Variants in FILIP1 observed in about 807,000 individuals in gnomAD.
The protein encoded by FILIP1 is filamin A interacting protein 1.
A neutral mutation model predicts 102.1 loss-of-function variants in FILIP1; 61 were observed. That is an observed-to-expected ratio of 0.60 (90% CI 0.49 to 0.74). The LOEUF (loss-of-function observed/expected upper bound fraction) is 0.74, where lower values mean the gene tolerates loss of function less well. FILIP1 is among the 30% of genes least tolerant of loss of function. The pLI is 0.00. For missense variants in FILIP1, 1,314 were observed against 1,441.2 expected, an observed-to-expected ratio of 0.91 and a Z score of 1.43; for synonymous variants, 491 against 526.9, an observed-to-expected ratio of 0.93 and a Z score of 0.93.
At chr6:75,464,889 C>T (rs1275489204) in intron 1 of FILIP1, among the ~76,000 whole-genome samples, 1 of 152,194 alleles carries the variant, frequency 6.6e-6, no homozygotes, top group African/African-American at 2.4e-5. Flanking sequence ...CTCACATCCA[C>T]ATCCAACCCA....
At chr6:75,364,748 T>G (rs1775273855) in intron 2 of FILIP1, among the ~76,000 whole-genome samples, 1 of 152,192 alleles carries the variant, frequency 6.6e-6, no homozygotes, top group African/African-American at 2.4e-5. Context: ...TGTGCCACAC[T>G]AATAGATTAT....
chr6:75,320,013 G>A (rs1773594150), intron 4 of FILIP1: 1 of 293,498 alleles, frequency 3.4e-6, no homozygotes, highest in Non-Finnish European at 6.5e-6. Flanking sequence ...AGGCAGAGTC[G>A]CCCAGTGCCG....
chr6:75,298,989 T>G (rs1381532919), intron 6 of FILIP1, among the ~76,000 whole-genome samples: 3 of 151,064 alleles, frequency 2.0e-5, no homozygotes, highest in African/African-American at 7.3e-5. Context: ...CTGAGGCACA[T>G]GGAGTCCATG....
intron 1 of FILIP1, among the ~76,000 whole-genome samples, chr6:75,474,355 T>C (rs1021841747): frequency 6.6e-6 from 1 of 152,200 alleles, no homozygotes; most frequent in Non-Finnish European, 1.5e-5. Flanking sequence ...AACTTTTCAC[T>C]GTAACAATAA....
At chr6:75,474,476 A>G (rs1779417185) in intron 1 of FILIP1, among the ~76,000 whole-genome samples, 2 of 152,212 alleles carry the variant, frequency 1.3e-5, no homozygotes, top group South Asian at 4.1e-4. Flanking sequence ...AAGTAGCCAT[A>G]TGTCAGACCC....
intron 6 of FILIP1, among the ~76,000 whole-genome samples, chr6:75,300,445 C>CGATG (rs1459589821): frequency 6.6e-5 from 10 of 152,206 alleles, no homozygotes; most frequent in Non-Finnish European, 8.8e-5. Flanking sequence ...TACCAAATAT[C>CGATG]AGCTTTGAAC....
At chr6:75,449,730 CA>C (rs147726511) in intron 1 of FILIP1, among the ~76,000 whole-genome samples, 57,150 of 151,790 alleles carry the variant, frequency 0.38, 11,626 homozygotes, top group Non-Finnish European at 0.47. Flanking sequence ...ACTGCTATGG[CA>C]AAAATCCTCA....
intron 4 of FILIP1, chr6:75,319,159 T>C: frequency 1.4e-6 from 1 of 732,582 alleles, no homozygotes. Flanking sequence ...TTATGCTGCA[T>C]CAGGCTTTCC....
chr6:75,319,186 G>A (rs576523842), intron 4 of FILIP1: 81 of 738,238 alleles, frequency 1.1e-4, no homozygotes, highest in Non-Finnish European at 4.9e-5. Context: ...TTGATATGCA[G>A]CAATATCCTT....
intron 1 of FILIP1, among the ~76,000 whole-genome samples, chr6:75,477,454 TG>T (rs1335963323): frequency 6.6e-6 from 1 of 152,148 alleles, no homozygotes; most frequent in Non-Finnish European, 1.5e-5. Flanking sequence ...TGATAGGTGA[TG>T]AATATTAATT....
At chr6:75,363,548 A>C (rs1582398200) in intron 2 of FILIP1, among the ~76,000 whole-genome samples, 3 of 16,334 alleles carry the variant, frequency 1.8e-4, no homozygotes, top group South Asian at 5.0e-3. Flanking sequence ...ACTGTCAGTT[A>C]GATGAGTCAG....
Position 75,319,830 on chromosome 6 carries a change from C to CAAA in FILIP1, c.630-4629_630-4628insTTT, listed in dbSNP as rs200047982. The CAAA allele has an allele frequency of 1.2e-3, 393 of 334,370 alleles. 2 individuals are homozygous for CAAA. Among genetic ancestry groups the CAAA allele is most frequent in the Middle Eastern group, 3.2e-3 (3 of 930 alleles). The allele number at this position is 334,370 out of a possible 1,614,324, so 20.7% of individuals were successfully genotyped here. A position where few individuals can be genotyped will look rare whatever the true frequency, so the allele number is the denominator to read the frequency against. On this transcript the variant is annotated intron_variant, in intron 4 of 5. Transcript: ENST00000237172. ...GGGCAACAGAGCAAGACTCCGTCCC[C>CAAA]CAAAAAAAAAAAGAAAAGAAAAGAA...
chr6:75,307,284 T>C (rs1279238621), downstream of FILIP1, among the ~76,000 whole-genome samples: 1 of 152,220 alleles, frequency 6.6e-6, no homozygotes, highest in East Asian at 1.9e-4. Context: ...AGCTTCGTTA[T>C]CATGAAACAT....
At chr6:75,413,976 G>A (rs373924086) in intron 2 of FILIP1, among the ~76,000 whole-genome samples, 3 of 150,756 alleles carry the variant, frequency 2.0e-5, no homozygotes, top group South Asian at 4.2e-4. Context: ...AGCATAGGAC[G>A]AAGAATCAGG....
rs576547766 is a variant in FILIP1, at chr6:75,477,437, T to A, written c.-7+15977A>T. Among the ~76,000 whole-genome samples the A allele has an allele frequency of 3.3e-5, 5 of 152,220 alleles. No homozygotes were observed. In the East Asian group the frequency reaches 9.6e-4, roughly 29 times the overall value. On this transcript the variant is annotated intron_variant, in intron 1 of 5. Transcript: ENST00000237172. ...AGAGTAAATTTCAAATGTCTCACTA[T>A]AAAAAATGATAGGTGATGAATATTA...
In FILIP1 at chr6:75,485,998, TAC is replaced by T. The variant is rs71002741; in HGVS notation, c.-7+7414_-7+7415del. On this transcript the variant is annotated intron_variant, in intron 1 of 5. Coordinates refer to ENST00000237172, the MANE Select transcript of FILIP1 (RefSeq NM_015687.5). ...ACACACACACACACACACACACACA[TAC>T]ACACACACACACACACACACTCCAC... 3.3e-3 allele frequency among the ~76,000 whole-genome samples: 328 copies of T among 100,536 alleles called. 2 individuals are homozygous for T. The highest frequency in any genetic ancestry group is 4.0e-3 in the Non-Finnish European group (209 of 52,004). 66.0% of individuals were successfully genotyped at this position (100,536 alleles called of 152,430 possible). A position where few individuals can be genotyped will look rare whatever the true frequency, so the allele number is the denominator to read the frequency against.
chr6:75,359,767 G>A (rs953708514), intron 3 of FILIP1, among the ~76,000 whole-genome samples: 1 of 152,150 alleles, frequency 6.6e-6, no homozygotes, highest in African/African-American at 2.4e-5. Context: ...CATGAGGGGA[G>A]GCTAAGTTCT....
chr6:75,482,980 T>C (rs1012225921), intron 1 of FILIP1, among the ~76,000 whole-genome samples: 8 of 152,282 alleles, frequency 5.3e-5, no homozygotes, highest in African/African-American at 1.9e-4. Flanking sequence ...TGTAAATATG[T>C]GTCACAGAAT....
At chr6:75,332,139 C>A (rs1774104967) in intron 4 of FILIP1, among the ~76,000 whole-genome samples, 1 of 152,108 alleles carries the variant, frequency 6.6e-6, no homozygotes, top group Non-Finnish European at 1.5e-5. Context: ...GTTATAGCAG[C>A]CTGAATGAAC....
Sources: allele counts gnomAD v4.1 joint callset (sites outside exome capture counted in the v4.1 genomes callset), GRCh38; gene constraint gnomAD v4.1.1; transcripts MANE v1.5; gene names NCBI Gene and HGNC (gene_info 2026-07-23, HGNC 2026-07-21).